The following RIMBP2 variants were observed in gnomAD, a reference collection of about 807,000 sequenced individuals.
RIMBP2 encodes RIMS binding protein 2.
Under a neutral mutation model 118.6 loss-of-function variants are expected in RIMBP2, and 48 were observed. The observed-to-expected ratio is 0.40, with a 90% CI of 0.32 to 0.51. The LOEUF is 0.51. Ranked by LOEUF, RIMBP2 falls within the 20% of genes least tolerant of loss-of-function variation. The probability of loss-of-function intolerance (pLI) is 0.41; values close to 1 mark genes in which losing one functional copy is unlikely to be tolerated. For missense variants in RIMBP2, 1,551 were observed against 1,768.3 expected, an observed-to-expected ratio of 0.88 and a Z score of 2.20; for synonymous variants, 762 against 742.9, an observed-to-expected ratio of 1.03 and a Z score of -0.42.
chr12:130,674,088 A>G (rs2064328003), intron 1 of RIMBP2, among the ~76,000 whole-genome samples: 1 of 152,112 alleles, frequency 6.6e-6, no homozygotes, highest in Non-Finnish European at 1.5e-5. Flanking sequence ...ACTGCACTCC[A>G]GCCTGGGCGA....
intron 2 of RIMBP2, among the ~76,000 whole-genome samples, chr12:130,524,504 G>C (rs1181238522): frequency 1.3e-5 from 2 of 152,194 alleles, no homozygotes; most frequent in Non-Finnish European, 2.9e-5. Context: ...GCTCTGGCTG[G>C]ACAGGCACTG....
intron 4 of RIMBP2, among the ~76,000 whole-genome samples, chr12:130,481,208 A>AGGTGGGGAGG (rs1209030060): frequency 4.0e-5 from 6 of 151,872 alleles, no homozygotes; most frequent in South Asian, 2.1e-4. Context: ...AGGAGGAGGC[A>AGGTGGGGAGG]GACAGGCTGA....
chr12:130,552,516 C>G (rs1254198191), intron 2 of RIMBP2, among the ~76,000 whole-genome samples: 1 of 152,180 alleles, frequency 6.6e-6, no homozygotes, highest in Admixed American at 6.5e-5. Context: ...TGAGAGTGTT[C>G]TTTCCCTAAA....
At chr12:130,471,757 A>G (rs1409279413) in intron 5 of RIMBP2, 1 of 152,352 alleles carries the variant, frequency 6.6e-6, no homozygotes, top group Non-Finnish European at 1.5e-5. Flanking sequence ...CACCTCCTGG[A>G]TAGCGGATCC....
At chr12:130,467,961 G>T (rs764485286) in intron 6 of RIMBP2, among the ~76,000 whole-genome samples, 1 of 152,292 alleles carries the variant, frequency 6.6e-6, no homozygotes, top group Admixed American at 6.5e-5. Flanking sequence ...TGTGTTCTGG[G>T]GTGTATCCTA....
At chr12:130,668,738 G>A (rs548597589) in intron 1 of RIMBP2, among the ~76,000 whole-genome samples, 1 of 152,282 alleles carries the variant, frequency 6.6e-6, no homozygotes, top group East Asian at 1.9e-4. Flanking sequence ...TGCCCTCAGG[G>A]TTAGCAGCTT....
intron 5 of RIMBP2, among the ~76,000 whole-genome samples, chr12:130,474,718 G>A (rs2081289401): frequency 6.6e-6 from 1 of 152,212 alleles, no homozygotes; most frequent in Non-Finnish European, 1.5e-5. Context: ...CCAGGGAGAG[G>A]AGGAAGCAGC....
intron 4 of RIMBP2, among the ~76,000 whole-genome samples, chr12:130,504,370 C>A (rs1020300264): frequency 6.6e-6 from 1 of 152,162 alleles, no homozygotes; most frequent in Admixed American, 6.5e-5. Context: ...CAGTAGAATC[C>A]TCTTCAGCTC....
chr12:130,528,422 G>A (rs2053033992), intron 2 of RIMBP2, among the ~76,000 whole-genome samples: 1 of 152,172 alleles, frequency 6.6e-6, no homozygotes, highest in Admixed American at 6.5e-5. Context: ...GACATAGGGA[G>A]GGGAACAACA....
chr12:130,436,004 G>A (rs1044617368), intron 13 of RIMBP2, among the ~76,000 whole-genome samples: 5 of 152,176 alleles, frequency 3.3e-5, no homozygotes, highest in Non-Finnish European at 7.4e-5. Flanking sequence ...AGACCCCACA[G>A]GCTGACCCAG....
intron 7 of RIMBP2, among the ~76,000 whole-genome samples, chr12:130,455,337 C>T (rs2079337107): frequency 6.6e-6 from 1 of 152,214 alleles, no homozygotes; most frequent in African/African-American, 2.4e-5. Flanking sequence ...GGTCTTCATG[C>T]AGCGTCTGGA....
intron 2 of RIMBP2, among the ~76,000 whole-genome samples, chr12:130,556,159 T>C (rs2056336216): frequency 6.6e-6 from 1 of 152,148 alleles, no homozygotes; most frequent in Admixed American, 6.5e-5. Context: ...CAGAGTTTTG[T>C]TGTTCTGTTT....
rs796350782 is a variant in RIMBP2, at chr12:130,646,382, A to G, written c.-351-17926T>C. 6.6e-4 allele frequency among the ~76,000 whole-genome samples: 30 copies of G among 45,560 alleles called. 6 individuals carry two copies. Among genetic ancestry groups the G allele is most frequent in the South Asian group, 1.9e-3 (2 of 1,060 alleles). 29.9% of individuals were successfully genotyped at this position (45,560 alleles called of 152,430 possible). A position where few individuals can be genotyped will look rare whatever the true frequency, so the allele number is the denominator to read the frequency against. ...CACCACCTCCCTCACCACCTCCCTCACCACCTCCCTCACCACCTGCCTCTC... is the reference window on the plus strand; with the variant it reads ...CACCACCTCCCTCACCACCTCCCTCGCCACCTCCCTCACCACCTGCCTCTC... On this transcript the variant is annotated intron_variant, in intron 1 of 22. Transcript: ENST00000690449.
intron 3 of RIMBP2, among the ~76,000 whole-genome samples, chr12:130,513,669 A>G (rs904536189): frequency 3.3e-5 from 5 of 152,314 alleles, no homozygotes; most frequent in Admixed American, 2.6e-4. Context: ...TTCCTCCCAC[A>G]AGGCTGCCTG....
chr12:130,496,939 C>G (rs76585008), intron 4 of RIMBP2, among the ~76,000 whole-genome samples: 10 of 152,280 alleles, frequency 6.6e-5, no homozygotes, highest in African/African-American at 2.4e-4. Context: ...GCAACCCATC[C>G]TCTCATGCCC....
intron 3 of RIMBP2, among the ~76,000 whole-genome samples, chr12:130,510,729 G>A (rs905773564): frequency 3.9e-5 from 6 of 152,138 alleles, no homozygotes; most frequent in South Asian, 2.1e-4. Context: ...TCGGCCTCCC[G>A]AAGTGCTGGA....
chr12:130,438,335 A>ACCGGGGGGGGGGGCCCCCCCCCC, intron 12 of RIMBP2, 30 bp downstream of exon 12: 1 of 865,014 alleles, frequency 1.2e-6, no homozygotes. Context: ...GGCCTAACAA[A>ACCGGGGGGGGGGGCCCCCCCCCC]CCCTCCCCAC....
At chr12:130,601,834 T>C (rs1401284828) in intron 2 of RIMBP2, among the ~76,000 whole-genome samples, 1 of 152,250 alleles carries the variant, frequency 6.6e-6, no homozygotes, top group Non-Finnish European at 1.5e-5. Context: ...ATTGAGCAGC[T>C]ACTATATATG....
intron 1 of RIMBP2, among the ~76,000 whole-genome samples, chr12:130,691,287 C>A (rs1247011691): frequency 2.0e-5 from 3 of 152,174 alleles, no homozygotes; most frequent in East Asian, 1.9e-4. Flanking sequence ...CCAGCGGAAC[C>A]AACCCGAGGA....
Sources: gnomAD v4.1 joint callset for allele counts (sites outside exome capture counted in the v4.1 genomes callset) on GRCh38, gnomAD v4.1.1 for gene constraint, MANE v1.5 for transcripts, NCBI Gene and HGNC (gene_info 2026-07-23, HGNC 2026-07-21) for gene names.